Variants in DCDC1 observed in about 807,000 individuals in gnomAD.
DCDC1 encodes the protein doublecortin domain-containing protein 1.
A neutral mutation model predicts 178.3 loss-of-function variants in DCDC1; 200 were observed. The observed-to-expected ratio is 1.12, with a 90% CI of 1.00 to 1.26. The LOEUF is 1.26. Ranked by LOEUF, DCDC1 falls within the 50% of genes most tolerant of loss-of-function variation. The pLI is 0.00. For synonymous variants in DCDC1, 690 were observed against 604.8 expected, an observed-to-expected ratio of 1.14 and a Z score of -2.07; for missense variants, 1,983 against 1,749.2, an observed-to-expected ratio of 1.13 and a Z score of -2.38.
intron 32 of DCDC1, among the ~76,000 whole-genome samples, chr11:30,900,994 A>G (rs1944624494): frequency 6.6e-6 from 1 of 152,138 alleles, no homozygotes. Context: ...GTTAGATATT[A>G]TTTTTATTGT....
Position 31,349,589 on chromosome 11 carries a change from C to T in DCDC1, c.-124-14025G>A, listed in dbSNP as rs147527876. ...CAGAAATGCTCATATTAAGATTTTA[C>T]AAAATATATTTAAAAATCTATTCTT... On this transcript the variant is annotated intron_variant, in intron 1 of 38. Coordinates refer to ENST00000684477, the MANE Select transcript of DCDC1 (RefSeq NM_001387274.1). Among the ~76,000 whole-genome samples, 707 of 152,204 alleles carry T rather than the reference C, an allele frequency of 4.6e-3. 6 individuals are homozygous for T. The highest frequency in any genetic ancestry group is 0.016 in the African/African-American group (653 of 41,520).
chr11:31,290,742 G>C lies in DCDC1; in HGVS notation c.865C>G (p.Leu289Val). ...ATTCGGACTGAGGTCCTCTCAGTAA[G>C]TTTCTTCATTCTAATAGAAAGAACA... Reference protein sequence around the residue: ...KPVLSIRMKKLTERTSVRILF... With the variant: ...KPVLSIRMKKVTERTSVRILF... Residue 289 changes from leucine (L) to valine (V), a missense_variant, in exon 7 of 39, where the codon CTT becomes GTT. Transcript: ENST00000684477. 1 of 1,613,512 alleles carries C rather than the reference G, an allele frequency of 6.2e-7. No homozygotes were observed. Among genetic ancestry groups the C allele is most frequent in the Non-Finnish European group, 8.5e-7 (1 of 1,179,606 alleles).
chr11:31,207,330 T>C (rs1415282717), intron 9 of DCDC1, among the ~76,000 whole-genome samples: 3 of 152,218 alleles, frequency 2.0e-5, no homozygotes, highest in East Asian at 3.8e-4. Flanking sequence ...AAATTCTGAT[T>C]ATAAAACATA....
chr11:31,277,387 T>G (rs574126420), intron 7 of DCDC1, among the ~76,000 whole-genome samples: 9 of 152,278 alleles, frequency 5.9e-5, no homozygotes, highest in Non-Finnish European at 1.0e-4. Context: ...CTATGAACAT[T>G]CACTTAGAAG....
At chr11:31,329,413 C>CTT (rs1416580064) in intron 2 of DCDC1, among the ~76,000 whole-genome samples, 2 of 151,900 alleles carry the variant, frequency 1.3e-5, no homozygotes, top group Admixed American at 1.3e-4. Flanking sequence ...TATTACTATA[C>CTT]TTTAAGTTCC....
chr11:31,179,572 A>G (rs1968516010), intron 9 of DCDC1, among the ~76,000 whole-genome samples: 1 of 152,236 alleles, frequency 6.6e-6, no homozygotes, highest in Non-Finnish European at 1.5e-5. Context: ...AGCCAATCAC[A>G]GATAGACAAA....
intron 37 of DCDC1, 68 bp from the exon 38 acceptor site, chr11:30,878,779 G>A: frequency 1.4e-6 from 2 of 1,447,534 alleles, no homozygotes; most frequent in Non-Finnish European, 1.8e-6. Flanking sequence ...TAAAAGTCCA[G>A]GATGATGAAA....
chr11:31,036,526 C>T (rs1258937584), intron 20 of DCDC1, among the ~76,000 whole-genome samples: 2 of 151,992 alleles, frequency 1.3e-5, no homozygotes, highest in Non-Finnish European at 2.9e-5. Context: ...GCTCTAAACC[C>T]CAAAAAAATT....
At chr11:31,219,287 G>C (rs1467828131) in intron 9 of DCDC1, among the ~76,000 whole-genome samples, 1 of 152,094 alleles carries the variant, frequency 6.6e-6, no homozygotes, top group South Asian at 2.1e-4. Flanking sequence ...TCAAAAACAA[G>C]ATTTTTTTTA....
intron 20 of DCDC1, among the ~76,000 whole-genome samples, chr11:30,988,063 C>T (rs895417329): frequency 6.6e-6 from 1 of 152,040 alleles, no homozygotes; most frequent in African/African-American, 2.4e-5. Flanking sequence ...GAGTGTTTTG[C>T]AAGCCAAGAT....
intron 20 of DCDC1, among the ~76,000 whole-genome samples, chr11:31,021,368 C>T (rs1952869494): frequency 6.6e-6 from 1 of 152,122 alleles, no homozygotes; most frequent in African/African-American, 2.4e-5. Flanking sequence ...AATTATGGTA[C>T]ATCCATACAA....
intron 12 of DCDC1, among the ~76,000 whole-genome samples, chr11:31,108,433 G>A (rs532314470): frequency 6.6e-6 from 1 of 152,228 alleles, no homozygotes; most frequent in African/African-American, 2.4e-5. Context: ...ATTTATTTTT[G>A]TGTGGTTTCA....
chr11:30,964,091 A>T (rs1949283500), intron 20 of DCDC1, among the ~76,000 whole-genome samples: 1 of 152,120 alleles, frequency 6.6e-6, no homozygotes, highest in African/African-American at 2.4e-5. Context: ...TTTTTTAAAA[A>T]ATCTCCAGGG....
At chr11:30,943,874 G>A in intron 21 of DCDC1, 2 of 287,378 alleles carry the variant, frequency 7.0e-6, no homozygotes, top group South Asian at 6.8e-5. Flanking sequence ...TCACCACTGA[G>A]AGGTACATAG....
At chr11:31,128,360 C>A (rs866435348) in intron 10 of DCDC1, among the ~76,000 whole-genome samples, 2 of 152,086 alleles carry the variant, frequency 1.3e-5, no homozygotes. Flanking sequence ...TTTAGACAGA[C>A]ATATGAGCCT....
rs77977541 is a variant in DCDC1 at position 31,002,556 on chromosome 11, G to A, written c.2592-49988C>T. On this transcript the variant is annotated intron_variant, in intron 20 of 38. Coordinates refer to ENST00000684477, the MANE Select transcript of DCDC1 (RefSeq NM_001387274.1). ...CAGAGCTCAGGATAAGCTTTATGTAGAGAAAATCAACAGTTTAGGGAAAGC... is the reference window on the plus strand; with the variant it reads ...CAGAGCTCAGGATAAGCTTTATGTAAAGAAAATCAACAGTTTAGGGAAAGC... Among the ~76,000 whole-genome samples, 170 of 152,252 alleles carry A rather than the reference G, an allele frequency of 1.1e-3. 1 individual carries two copies. Among genetic ancestry groups the A allele is most frequent in the Admixed American group, 6.9e-3 (105 of 15,282 alleles).
intron 1 of DCDC1, among the ~76,000 whole-genome samples, chr11:31,355,728 C>T (rs545824884): frequency 2.0e-4 from 31 of 152,064 alleles, no homozygotes; most frequent in East Asian, 3.9e-4. Context: ...CCACCACGCC[C>T]GGCTAATTTT....
chr11:30,939,944 T>C (rs1380848873), intron 21 of DCDC1, among the ~76,000 whole-genome samples: 1 of 152,214 alleles, frequency 6.6e-6, no homozygotes, highest in Non-Finnish European at 1.5e-5. Context: ...TTTTCTATGG[T>C]TTTTGGACTA....
intron 20 of DCDC1, among the ~76,000 whole-genome samples, chr11:31,037,428 CTTTCTTTTTTTT>C (rs1257656298): frequency 2.2e-5 from 1 of 44,876 alleles, no homozygotes; most frequent in African/African-American, 1.3e-4. Flanking sequence ...CTAAATATTT[CTTTCTTTTTTTT>C]TTTTTTTTTT....
Sources: allele counts gnomAD v4.1 joint callset (sites outside exome capture counted in the v4.1 genomes callset), GRCh38; gene constraint gnomAD v4.1.1; transcripts MANE v1.5; gene names NCBI Gene and HGNC (gene_info 2026-07-23, HGNC 2026-07-21).